The following PCDHA5 variants were observed in gnomAD, a reference collection of about 807,000 sequenced individuals.
PCDHA5 encodes protocadherin alpha-5.
In PCDHA5, 43 loss-of-function variants were observed where a neutral mutation model predicts 61.6. The observed-to-expected ratio is 0.70, with a 90% CI of 0.55 to 0.90. PCDHA5 has a LOEUF of 0.90. Among genes scored for constraint, PCDHA5 ranks in the 40% least tolerant of loss-of-function variants. PCDHA5 has a pLI of 0.00. For missense variants in PCDHA5, 1,298 were observed against 1,222.7 expected (o/e 1.06, Z -0.92); for synonymous variants, 627 against 543.9 (o/e 1.15, Z -2.13).
intron 1 of PCDHA5, among the ~76,000 whole-genome samples, chr5:140,978,211 A>T (rs185344384): frequency 1.3e-5 from 2 of 152,340 alleles, no homozygotes; most frequent in African/African-American, 4.8e-5. Flanking sequence ...AACTAATGCA[A>T]AATGTATCAG....
chr5:140,876,585 G>T, intron 1 of PCDHA5: 5 of 1,614,202 alleles, frequency 3.1e-6, no homozygotes, highest in Non-Finnish European at 4.2e-6. Context: ...TCATTGCCCT[G>T]ATTAGCGTGT....
At chr5:140,867,198 C>A (rs1286853388) in intron 1 of PCDHA5, 1 of 152,110 alleles carries the variant, frequency 6.6e-6, no homozygotes, top group East Asian at 1.9e-4. Flanking sequence ...ACTCCACATT[C>A]CATGTAACAT....
chr5:140,843,178 C>A (rs2150354589), intron 1 of PCDHA5: 1 of 1,596,102 alleles, frequency 6.3e-7, no homozygotes, highest in East Asian at 2.2e-5. Flanking sequence ...GCAGCCCTCG[C>A]ATCCCGTTCC....
At chr5:140,835,944 C>T (rs2150248798) in intron 1 of PCDHA5, 2 of 1,612,686 alleles carry the variant, frequency 1.2e-6, no homozygotes, top group Admixed American at 1.7e-5. Flanking sequence ...GTACGCGCTG[C>T]AGCCGTTGGA....
intron 1 of PCDHA5, chr5:140,867,087 G>T (rs1320862107): frequency 3.9e-5 from 6 of 151,970 alleles, no homozygotes; most frequent in African/African-American, 1.4e-4. Context: ...CTGTATTGTT[G>T]GAAATTAACA....
At chr5:140,939,841 T>C (rs1269688667) in intron 1 of PCDHA5, among the ~76,000 whole-genome samples, 5 of 152,344 alleles carry the variant, frequency 3.3e-5, no homozygotes, top group Middle Eastern at 3.4e-3. Context: ...TGCTTGTTGT[T>C]GTGTTCTGTA....
intron 3 of PCDHA5, 146 bp downstream of exon 3, chr5:140,982,709 A>G (rs2096998107): frequency 2.2e-6 from 3 of 1,375,182 alleles, no homozygotes; most frequent in Admixed American, 2.9e-5. Flanking sequence ...ATTTCCTTAC[A>G]TATATGATTA....
At chr5:140,843,766 G>T (rs1303909479) in intron 1 of PCDHA5, 4 of 1,487,952 alleles carry the variant, frequency 2.7e-6, no homozygotes, top group Non-Finnish European at 3.7e-6. Context: ...GGAAATTGTA[G>T]TTACTTTAAA....
At chr5:140,902,917 T>G (rs1235478755) in intron 1 of PCDHA5, among the ~76,000 whole-genome samples, 1 of 152,230 alleles carries the variant, frequency 6.6e-6, no homozygotes, top group Non-Finnish European at 1.5e-5. Context: ...CTGAGTAGTA[T>G]TGCATGGTGT....
intron 3 of PCDHA5, among the ~76,000 whole-genome samples, chr5:141,007,029 T>C (rs2098299696): frequency 6.6e-6 from 1 of 152,154 alleles, no homozygotes; most frequent in Non-Finnish European, 1.5e-5. Context: ...ATATGGTATT[T>C]ATATCTATGG....
chr5:141,007,683 A>G (rs576789056), intron 3 of PCDHA5, among the ~76,000 whole-genome samples: 1 of 152,268 alleles, frequency 6.6e-6, no homozygotes, highest in African/African-American at 2.4e-5. Context: ...AAGTTATCCT[A>G]CTTCCACCTC....
At chr5:140,912,908 A>T (rs986770915) in intron 1 of PCDHA5, among the ~76,000 whole-genome samples, 8 of 152,188 alleles carry the variant, frequency 5.3e-5, no homozygotes, top group African/African-American at 1.9e-4. Flanking sequence ...TATCATATTG[A>T]TTGATTTGTG....
At chr5:140,905,855 A>G (rs1297642648) in intron 1 of PCDHA5, among the ~76,000 whole-genome samples, 1 of 152,128 alleles carries the variant, frequency 6.6e-6, no homozygotes, top group East Asian at 1.9e-4. Context: ...AGGAGTATTA[A>G]CTCACACAAT....
At chr5:140,913,414 C>T (rs1451385869) in intron 1 of PCDHA5, among the ~76,000 whole-genome samples, 3 of 152,102 alleles carry the variant, frequency 2.0e-5, no homozygotes, top group African/African-American at 7.2e-5. Context: ...TGAATTCCTG[C>T]AGTATCAGTT....
In PCDHA5 at chr5:140,823,556, G is replaced by C; in HGVS notation, c.1781G>C (p.Arg594Pro). ...GCGGGCCACGTGGTGGCGAAGGTGC[G>C]CGCAGTGGACCCTGATTCGGGCTAC... ...VGAGHVVAKV[R>P]AVDPDSGYNA... Residue 594 changes from arginine (R) to proline (P), a missense_variant, in exon 1 of 4, where the codon CGC becomes CCC. By Grantham distance (103) the Arg-to-Pro change is moderately radical. Coordinates refer to ENST00000529859, the MANE Select transcript of PCDHA5 (RefSeq NM_018908.3). 6.2e-7 allele frequency: 1 copy of C among 1,613,890 alleles called. No homozygotes were observed. Among genetic ancestry groups the C allele is most frequent in the South Asian group, 1.1e-5 (1 of 91,064 alleles).
chr5:140,857,567 G>C, intron 1 of PCDHA5: 1 of 1,596,986 alleles, frequency 6.3e-7, no homozygotes, highest in Non-Finnish European at 8.6e-7. Flanking sequence ...GTCGAGCTAC[G>C]TGTCGGTGCA....
At chr5:140,877,947 G>A (rs1266600808) in intron 1 of PCDHA5, 2 of 1,351,230 alleles carry the variant, frequency 1.5e-6, no homozygotes, top group African/African-American at 1.5e-5. Context: ...TTAAACTATC[G>A]AATGTCTCAT....
At chr5:140,925,217 G>T (rs1217593393) in intron 1 of PCDHA5, among the ~76,000 whole-genome samples, 1 of 152,154 alleles carries the variant, frequency 6.6e-6, no homozygotes, top group Non-Finnish European at 1.5e-5. Flanking sequence ...ATACTTTTAG[G>T]CAGGTTTCTA....
chr5:140,852,638 T>C lies in PCDHA5; in HGVS notation c.2352+28511T>C. 5 of 960,950 alleles carry C rather than the reference T, an allele frequency of 5.2e-6. 1 individual carries two copies. Among genetic ancestry groups the C allele is most frequent in the Non-Finnish European group, 6.3e-6 (5 of 795,190 alleles). The allele number at this position is 960,950 out of a possible 1,614,324, so 59.5% of individuals were successfully genotyped here. On this transcript the variant is annotated intron_variant, in intron 1 of 3. Coordinates refer to ENST00000529859, the MANE Select transcript of PCDHA5 (RefSeq NM_018908.3). ...TTGAGTGGTCTCTGAGCTCCTGTCA[T>C]TAAACCTATCTATATCTGTCTATCA...
Sources: allele counts gnomAD v4.1 joint callset (sites outside exome capture counted in the v4.1 genomes callset), GRCh38; gene constraint gnomAD v4.1.1; transcripts MANE v1.5; gene names NCBI Gene and HGNC (gene_info 2026-07-23, HGNC 2026-07-21).